Variants in MTUS2 observed in about 807,000 individuals in gnomAD.
The protein encoded by MTUS2 is microtubule associated scaffold protein 2.
MTUS2 carries 40 observed loss-of-function variants against 114.1 expected under a neutral mutation model. The observed-to-expected ratio is 0.35, with a 90% CI of 0.27 to 0.46. MTUS2 has a LOEUF of 0.46. Ranked by LOEUF, MTUS2 falls within the 20% of genes least tolerant of loss-of-function variation. The pLI is 1.00. For missense variants in MTUS2, 1,679 were observed against 1,705.4 expected (o/e 0.98, Z 0.27); for synonymous variants, 688 against 672.0 (o/e 1.02, Z -0.37).
intron 11 of MTUS2, among the ~76,000 whole-genome samples, chr13:29,489,041 T>G (rs1053467043): frequency 6.6e-6 from 1 of 152,124 alleles, no homozygotes; most frequent in African/African-American, 2.4e-5. Flanking sequence ...TCCCAGCACT[T>G]TGGGAGGCTG....
At chr13:29,249,323 C>T (rs770405087) in intron 5 of MTUS2, among the ~76,000 whole-genome samples, 9 of 152,130 alleles carry the variant, frequency 5.9e-5, no homozygotes, top group Non-Finnish European at 1.2e-4. Flanking sequence ...GGGTATATAC[C>T]CAGTAATGGG....
At chr13:29,131,287 G>A (rs556028051) in intron 5 of MTUS2, among the ~76,000 whole-genome samples, 5 of 152,234 alleles carry the variant, frequency 3.3e-5, no homozygotes, top group Non-Finnish European at 7.3e-5. Flanking sequence ...AGCCCTAGAG[G>A]TTTTGGAGAT....
intron 5 of MTUS2, among the ~76,000 whole-genome samples, chr13:29,258,906 G>A (rs1233224520): frequency 6.6e-6 from 1 of 152,116 alleles, no homozygotes; most frequent in Non-Finnish European, 1.5e-5. Context: ...ACTTAGTCAA[G>A]GAGCTTTCTC....
intron 5 of MTUS2, among the ~76,000 whole-genome samples, chr13:29,110,543 A>G: frequency 1.2e-4 from 1 of 8,404 alleles, no homozygotes; most frequent in South Asian, 5.3e-3. Context: ...AGTATTCTTT[A>G]CAAGAAAAAA....
At chr13:28,947,488 C>G (rs973100570) in intron 2 of MTUS2, among the ~76,000 whole-genome samples, 5 of 152,242 alleles carry the variant, frequency 3.3e-5, no homozygotes, top group Admixed American at 6.5e-5. Flanking sequence ...ATGACATATT[C>G]ATTTACACGG....
chr13:28,938,229 A>G (rs1383291862), intron 2 of MTUS2, among the ~76,000 whole-genome samples: 1 of 152,068 alleles, frequency 6.6e-6, no homozygotes, highest in Non-Finnish European at 1.5e-5. Context: ...TAAAAATACA[A>G]AAATTAGCTG....
chr13:29,080,924 C>T (rs1201201862), intron 4 of MTUS2, among the ~76,000 whole-genome samples: 1 of 152,118 alleles, frequency 6.6e-6, no homozygotes, highest in Non-Finnish European at 1.5e-5. Flanking sequence ...TGGGGTTTCA[C>T]CATGTTGACC....
At position 28,902,170 on chromosome 13, in the gene MTUS2, G is replaced by A. The variant is rs77897487; in HGVS notation, c.-243+62320G>A. ...ATAGAGACATGATTGATATTTACAT[G>A]TTGATCATGTGTCCTGTGAATTTGC... is the stretch of plus-strand genomic sequence containing the variant. On this transcript the variant is annotated intron_variant, in intron 2 of 15. Transcript: ENST00000612955. Among the ~76,000 whole-genome samples the A allele has an allele frequency of 2.8e-3, 425 of 152,256 alleles. 2 individuals are homozygous for A. The East Asian group carries it at 0.034, about 12-fold the overall frequency.
intron 2 of MTUS2, among the ~76,000 whole-genome samples, chr13:28,889,101 T>C (rs1878767024): frequency 6.6e-6 from 1 of 152,210 alleles, no homozygotes; most frequent in Admixed American, 6.5e-5. Flanking sequence ...TGTTTTAATT[T>C]CTTTTTAATT....
At chr13:29,313,833 A>C (rs1290547013) in intron 6 of MTUS2, among the ~76,000 whole-genome samples, 1 of 152,192 alleles carries the variant, frequency 6.6e-6, no homozygotes, top group African/African-American at 2.4e-5. Context: ...GATCACACAC[A>C]AAAGGCTGAG....
intron 6 of MTUS2, among the ~76,000 whole-genome samples, chr13:29,317,441 T>TCCTC (rs1356917000): frequency 6.3e-4 from 7 of 11,036 alleles, no homozygotes; most frequent in Admixed American, 4.9e-3. Flanking sequence ...TCTTTTTTTT[T>TCCTC]TTTTTTTTGA....
chr13:29,504,708 GTGA>G lies in MTUS2; in HGVS notation c.*1514_*1516del, dbSNP rs763076760. On this transcript the variant is annotated 3_prime_UTR_variant, in exon 16 of 16. Transcript: ENST00000612955. Reference sequence around the variant, plus strand: ...GGAAGAAGTAGTTTTAACAGATATGGTGATGATGATGATGCCCTTGTTTCCTGT... The same window carrying G: ...GGAAGAAGTAGTTTTAACAGATATGGTGATGATGATGCCCTTGTTTCCTGT... 2 of 233,316 alleles carry G rather than the reference GTGA, an allele frequency of 8.6e-6. No homozygotes were observed. The highest frequency in any genetic ancestry group is 1.7e-5 in the Non-Finnish European group (2 of 118,088). The allele number at this position is 233,316 out of a possible 1,614,324, so 14.5% of individuals were successfully genotyped here.
intron 3 of MTUS2, among the ~76,000 whole-genome samples, chr13:29,030,465 G>T (rs867131631): frequency 3.3e-5 from 5 of 152,154 alleles, no homozygotes; most frequent in African/African-American, 9.7e-5. Context: ...CTCAGGTTGC[G>T]CTGGGCTCAT....
intron 2 of MTUS2, among the ~76,000 whole-genome samples, chr13:29,011,455 C>G (rs1428298925): frequency 6.6e-6 from 1 of 152,124 alleles, no homozygotes; most frequent in Non-Finnish European, 1.5e-5. Flanking sequence ...ATATAAATAT[C>G]TTTTACTATT....
At chr13:29,185,591 C>T (rs555359257) in intron 5 of MTUS2, among the ~76,000 whole-genome samples, 1 of 152,080 alleles carries the variant, frequency 6.6e-6, no homozygotes, top group Admixed American at 6.6e-5. Flanking sequence ...ATTTCTCCCC[C>T]CCAAAAATCA....
At chr13:29,498,056 G>A (rs985938780) in intron 13 of MTUS2, among the ~76,000 whole-genome samples, 2 of 151,810 alleles carry the variant, frequency 1.3e-5, no homozygotes, top group African/African-American at 4.8e-5. Context: ...CCAGCTACCT[G>A]GTGAATCAAG....
chr13:28,985,227 A>G (rs1397563538), intron 2 of MTUS2, among the ~76,000 whole-genome samples: 1 of 152,216 alleles, frequency 6.6e-6, no homozygotes, highest in African/African-American at 2.4e-5. Flanking sequence ...TTAAGACAGA[A>G]AAAGATTATC....
intron 2 of MTUS2, among the ~76,000 whole-genome samples, chr13:28,843,889 A>G (rs117836580): frequency 0.016 from 2,490 of 152,342 alleles, 29 homozygotes; most frequent in Non-Finnish European, 0.026. Flanking sequence ...TGCTTCTGCT[A>G]TTAGAAGCAG....
chr13:29,175,667 A>G (rs934931088), intron 5 of MTUS2, among the ~76,000 whole-genome samples: 8 of 152,204 alleles, frequency 5.3e-5, no homozygotes, highest in Non-Finnish European at 1.2e-4. Flanking sequence ...GGGCAAGACA[A>G]TAGGGTGTTG....
Sources: allele counts gnomAD v4.1 joint callset (sites outside exome capture counted in the v4.1 genomes callset), GRCh38; gene constraint gnomAD v4.1.1; transcripts MANE v1.5; gene names NCBI Gene and HGNC (gene_info 2026-07-23, HGNC 2026-07-21).